Variants in ZFPM2 observed in about 807,000 individuals in gnomAD.
The protein encoded by ZFPM2 is zinc finger protein ZFPM2.
Under a neutral mutation model 98.6 loss-of-function variants are expected in ZFPM2, and 20 were observed. The observed-to-expected ratio is 0.20, with a 90% CI of 0.14 to 0.29. The LOEUF is 0.29. ZFPM2 is among the 10% of genes least tolerant of loss of function. The pLI, the probability that ZFPM2 is intolerant of heterozygous loss-of-function variation, is 1.00. For missense variants in ZFPM2, 1,310 were observed against 1,388.6 expected (o/e 0.94, Z 0.90); for synonymous variants, 518 against 502.7 (o/e 1.03, Z -0.41).
intron 5 of ZFPM2, among the ~76,000 whole-genome samples, chr8:105,641,250 T>G (rs1586168215): frequency 6.6e-6 from 1 of 152,164 alleles, no homozygotes; most frequent in South Asian, 2.1e-4. Context: ...ATTAAAATAC[T>G]ACGGAGATCA....
chr8:105,464,933 GT>G (rs1467554732), intron 3 of ZFPM2, among the ~76,000 whole-genome samples: 1 of 145,596 alleles, frequency 6.9e-6, no homozygotes, highest in Non-Finnish European at 1.5e-5. Flanking sequence ...GCTATTTGTA[GT>G]TTGTTTGAAA....
intron 1 of ZFPM2, among the ~76,000 whole-genome samples, chr8:105,329,301 A>T (rs1463974088): frequency 6.6e-6 from 1 of 151,846 alleles, no homozygotes; most frequent in Admixed American, 6.6e-5. Context: ...TCGAGCTCCC[A>T]CAAGGTGGGA....
Position 105,687,465 on chromosome 8 carries a change from C to G in ZFPM2, c.532+53108C>G, listed in dbSNP as rs1372240605. Among the ~76,000 whole-genome samples, 9 of 152,060 alleles carry G rather than the reference C, an allele frequency of 5.9e-5. No individual in the cohort carries two copies. The East Asian group carries it at 1.7e-3, about 29-fold the overall frequency. ...TTTGAACTAAAAGAGAATGAAAAAGCCAAGAAGCTAAGAGATTACTTTTTG... is the reference window on the plus strand; with the variant it reads ...TTTGAACTAAAAGAGAATGAAAAAGGCAAGAAGCTAAGAGATTACTTTTTG... On this transcript the variant is annotated intron_variant, in intron 5 of 7. Transcript: ENST00000407775.
At chr8:105,506,857 G>A (rs1395020211) in intron 3 of ZFPM2, among the ~76,000 whole-genome samples, 1 of 151,420 alleles carries the variant, frequency 6.6e-6, no homozygotes. Flanking sequence ...GTGTAGTGGC[G>A]GGTGCCTGTA....
At chr8:105,595,746 T>C (rs1815955474) in intron 4 of ZFPM2, among the ~76,000 whole-genome samples, 1 of 152,110 alleles carries the variant, frequency 6.6e-6, no homozygotes, top group African/African-American at 2.4e-5. Flanking sequence ...ACATTAAATA[T>C]CGTGAATTTT....
At chr8:105,783,799 A>G (rs1261793325) in intron 5 of ZFPM2, among the ~76,000 whole-genome samples, 2 of 152,076 alleles carry the variant, frequency 1.3e-5, no homozygotes, top group Non-Finnish European at 2.9e-5. Flanking sequence ...GGATACTTCC[A>G]TGGGTTGTTT....
At chr8:105,330,581 CATATATAT>C (rs55876331) in intron 1 of ZFPM2, among the ~76,000 whole-genome samples, 1 of 86,340 alleles carries the variant, frequency 1.2e-5, no homozygotes, top group Non-Finnish European at 2.3e-5. Context: ...TATATATATA[CATATATAT>C]ATATACATAT....
Position 105,439,975 on chromosome 8 carries a change from C to G in ZFPM2, c.200-4305C>G, listed in dbSNP as rs1039063444. On this transcript the variant is annotated intron_variant, in intron 2 of 7. Coordinates refer to ENST00000407775, the MANE Select transcript of ZFPM2 (RefSeq NM_012082.4). Reference sequence around the variant, plus strand: ...AGTATTGGAAAGGTCAACGTTTCCCCAAATTGGGTCAGGTATCCCTAGTGG... The same window carrying G: ...AGTATTGGAAAGGTCAACGTTTCCCGAAATTGGGTCAGGTATCCCTAGTGG... Among the ~76,000 whole-genome samples the G allele has an allele frequency of 1.2e-4, 18 of 152,228 alleles. 1 individual carries two copies. In the South Asian group the frequency reaches 3.1e-3, roughly 26 times the overall value.
chr8:105,451,421 G>C (rs1156764300), intron 3 of ZFPM2: 4 of 152,166 alleles, frequency 2.6e-5, no homozygotes, highest in Non-Finnish European at 5.9e-5. Context: ...AAATTTATAT[G>C]TTCAAATTCT....
intron 5 of ZFPM2, among the ~76,000 whole-genome samples, chr8:105,783,621 T>A (rs528250979): frequency 3.3e-5 from 5 of 152,320 alleles, no homozygotes; most frequent in Admixed American, 1.3e-4. Flanking sequence ...AAGTACTTCA[T>A]GTAAGTGGAA....
At chr8:105,703,055 C>T (rs1306254049) in intron 5 of ZFPM2, among the ~76,000 whole-genome samples, 2 of 152,150 alleles carry the variant, frequency 1.3e-5, no homozygotes, top group African/African-American at 4.8e-5. Context: ...GACTCCTTTC[C>T]TGCCCCCCGC....
intron 3 of ZFPM2, among the ~76,000 whole-genome samples, chr8:105,537,707 TTATAA>T (rs200730684): frequency 7.3e-4 from 110 of 151,562 alleles, no homozygotes; most frequent in African/African-American, 2.4e-3. Flanking sequence ...GAAAGAAATA[TTATAA>T]TATATTTTTT....
chr8:105,354,048 A>G (rs1390253250), intron 1 of ZFPM2, among the ~76,000 whole-genome samples: 1 of 152,224 alleles, frequency 6.6e-6, no homozygotes, highest in Non-Finnish European at 1.5e-5. Flanking sequence ...AAAAAAAAGT[A>G]AACCTCAGTG....
intron 3 of ZFPM2, among the ~76,000 whole-genome samples, chr8:105,492,376 A>G (rs1057012630): frequency 2.0e-5 from 3 of 152,186 alleles, no homozygotes; most frequent in African/African-American, 7.2e-5. Flanking sequence ...CCAAAATCCC[A>G]GATTATCTCT....
intron 4 of ZFPM2, among the ~76,000 whole-genome samples, chr8:105,591,098 A>G (rs1212088499): frequency 7.9e-5 from 12 of 152,176 alleles, no homozygotes; most frequent in Non-Finnish European, 5.9e-5. Flanking sequence ...CCTTAGCTTA[A>G]TATTCACAGA....
chr8:105,449,534 T>G (rs1812444789), intron 3 of ZFPM2, among the ~76,000 whole-genome samples: 1 of 152,070 alleles, frequency 6.6e-6, no homozygotes, highest in Non-Finnish European at 1.5e-5. Flanking sequence ...TTAGTAATCA[T>G]TTTTTGTATT....
rs750309334 is a variant in ZFPM2 at position 105,389,861 on chromosome 8, T to G, written c.41-29283T>G. Among the ~76,000 whole-genome samples, 10 of 152,330 alleles carry G rather than the reference T, an allele frequency of 6.6e-5. No individual in the cohort carries two copies. The South Asian group carries it at 1.0e-3, about 16-fold the overall frequency. ...TCCAGGAAAAAGGAAGCGCAGTTAT[T>G]AGACCTCTAGATAAGGAGAAATGAG... On this transcript the variant is annotated intron_variant, in intron 1 of 7. Coordinates refer to ENST00000407775, the MANE Select transcript of ZFPM2 (RefSeq NM_012082.4).
At chr8:105,330,569 C>CATATATATAT (rs56134125) in intron 1 of ZFPM2, among the ~76,000 whole-genome samples, 2 of 52,666 alleles carry the variant, frequency 3.8e-5, no homozygotes, top group Admixed American at 5.7e-4. Flanking sequence ...TATATATATA[C>CATATATATAT]ATATATATAT....
intron 1 of ZFPM2, among the ~76,000 whole-genome samples, chr8:105,384,094 C>T (rs1810938862): frequency 6.6e-6 from 1 of 152,090 alleles, no homozygotes; most frequent in Admixed American, 6.6e-5. Context: ...CCAGTGTTAG[C>T]TCACTCACTG....
Sources: allele counts gnomAD v4.1 joint callset (sites outside exome capture counted in the v4.1 genomes callset), GRCh38; gene constraint gnomAD v4.1.1; transcripts MANE v1.5; gene names NCBI Gene and HGNC (gene_info 2026-07-23, HGNC 2026-07-21).